RPS6KC1: variants seen among roughly 807,000 people sequenced by gnomAD.
The protein encoded by RPS6KC1 is ribosomal protein S6 kinase C1.
In RPS6KC1, 54 loss-of-function variants were observed where a neutral mutation model predicts 103.8. The ratio of observed to expected loss-of-function variants is 0.52; its 90% confidence interval spans 0.42 to 0.65. RPS6KC1 has a LOEUF of 0.65. Ranked by LOEUF, RPS6KC1 falls within the 30% of genes least tolerant of loss-of-function variation. The pLI, the probability that RPS6KC1 is intolerant of heterozygous loss-of-function variation, is 0.00. For missense variants in RPS6KC1, 1,151 were observed against 1,253.8 expected, an observed-to-expected ratio of 0.92 and a Z score of 1.24; for synonymous variants, 439 against 438.7, an observed-to-expected ratio of 1.00 and a Z score of -0.01.
the RPS6KC1 span, among the ~76,000 whole-genome samples, chr1:213,702,190 C>T: frequency 1.3e-5 from 2 of 151,806 alleles, no homozygotes; most frequent in African/African-American, 2.4e-5. Flanking sequence ...CAATTAGGAG[C>T]ATATTGTTTA....
the RPS6KC1 span, among the ~76,000 whole-genome samples, chr1:213,612,601 T>C: frequency 6.6e-6 from 1 of 152,260 alleles, no homozygotes; most frequent in Non-Finnish European, 1.5e-5. Flanking sequence ...GTGTCTCACA[T>C]GTGTAGAGAT....
rs552726226 is a variant in RPS6KC1 at position 213,160,252 on chromosome 1, C to T, written c.836-7606C>T. On this transcript the variant is annotated intron_variant, in intron 6 of 14. Transcript: ENST00000366960. ...GATATTTTACCTTTACAAAATATTA[C>T]GGAACACATCATTCAAAATTATAAC... Among the ~76,000 whole-genome samples, 66 of 152,246 alleles carry T rather than the reference C, an allele frequency of 4.3e-4. 2 individuals carry two copies. The highest frequency in any genetic ancestry group is 9.6e-5 in the African/African-American group (4 of 41,558).
At chr1:213,570,320 C>T in the RPS6KC1 span, among the ~76,000 whole-genome samples, 8 of 152,062 alleles carry the variant, frequency 5.3e-5, no homozygotes, top group African/African-American at 1.2e-4. Flanking sequence ...ACACAGTAAT[C>T]GCTCAAAAAA....
the RPS6KC1 span, among the ~76,000 whole-genome samples, chr1:213,554,726 T>C: frequency 6.6e-6 from 1 of 152,156 alleles, no homozygotes; most frequent in African/African-American, 2.4e-5. Flanking sequence ...ACCACCGTTC[T>C]GATTATAAGT....
At chr1:213,222,194 A>G (rs1432135126) in intron 8 of RPS6KC1, among the ~76,000 whole-genome samples, 1 of 152,100 alleles carries the variant, frequency 6.6e-6, no homozygotes, top group Non-Finnish European at 1.5e-5. Context: ...TCACTTCATG[A>G]TAATCTGCTA....
the RPS6KC1 span, among the ~76,000 whole-genome samples, chr1:213,849,606 GT>G: frequency 1.3e-4 from 20 of 152,108 alleles, no homozygotes; most frequent in Admixed American, 1.3e-3. Context: ...AAACTCATGT[GT>G]GTAGGTAAAG....
chr1:213,656,476 G>T, the RPS6KC1 span, among the ~76,000 whole-genome samples: 1 of 152,218 alleles, frequency 6.6e-6, no homozygotes, highest in East Asian at 1.9e-4. Context: ...AGACAGAACT[G>T]TCACAATGGT....
chr1:213,843,400 A>G, the RPS6KC1 span: 9 of 152,186 alleles, frequency 5.9e-5, no homozygotes, highest in Non-Finnish European at 1.0e-4. Flanking sequence ...TTTTTGGCAT[A>G]GGGTAATACT....
At chr1:213,528,330 C>T in the RPS6KC1 span, among the ~76,000 whole-genome samples, 4 of 152,268 alleles carry the variant, frequency 2.6e-5, no homozygotes, top group African/African-American at 9.6e-5. Context: ...ACCATCAGAT[C>T]TTGTGAGTAC....
intron 6 of RPS6KC1, among the ~76,000 whole-genome samples, chr1:213,145,288 G>C (rs2087610956): frequency 6.6e-6 from 1 of 152,160 alleles, no homozygotes; most frequent in Non-Finnish European, 1.5e-5. Flanking sequence ...GGAGAAGGAA[G>C]CCATTTGGAT....
chr1:213,514,198 C>T, the RPS6KC1 span, among the ~76,000 whole-genome samples: 1 of 152,008 alleles, frequency 6.6e-6, no homozygotes, highest in Non-Finnish European at 1.5e-5. Context: ...AAATTTTTAG[C>T]CTTTGATTAA....
At chr1:213,764,252 A>C in the RPS6KC1 span, among the ~76,000 whole-genome samples, 3 of 152,214 alleles carry the variant, frequency 2.0e-5, no homozygotes, top group Non-Finnish European at 4.4e-5. Flanking sequence ...ATCAGGGGAA[A>C]GGGATCTTTC....
At chr1:213,576,104 A>G in the RPS6KC1 span, among the ~76,000 whole-genome samples, 529 of 152,306 alleles carry the variant, frequency 3.5e-3, 6 homozygotes, top group African/African-American at 0.012. Flanking sequence ...AGTGGCACGC[A>G]TACAGCTGGC....
the RPS6KC1 span, among the ~76,000 whole-genome samples, chr1:213,619,465 C>T: frequency 6.6e-6 from 1 of 152,198 alleles, no homozygotes; most frequent in Non-Finnish European, 1.5e-5. Context: ...ACACACACCA[C>T]TGGGGGCAAG....
At chr1:213,573,002 A>G in the RPS6KC1 span, among the ~76,000 whole-genome samples, 1 of 152,066 alleles carries the variant, frequency 6.6e-6, no homozygotes, top group African/African-American at 2.4e-5. Flanking sequence ...AGCTGTGAGG[A>G]AAAACAATGT....
At chr1:213,386,712 G>A in the RPS6KC1 span, among the ~76,000 whole-genome samples, 7 of 152,120 alleles carry the variant, frequency 4.6e-5, no homozygotes, top group African/African-American at 9.7e-5. Flanking sequence ...ACTCCCTTAC[G>A]TCTCCTCTAT....
At chr1:213,640,020 T>C in the RPS6KC1 span, among the ~76,000 whole-genome samples, 2 of 152,026 alleles carry the variant, frequency 1.3e-5, no homozygotes, top group African/African-American at 4.8e-5. Context: ...TACATATGGA[T>C]CTGGAGTTTC....
chr1:213,631,276 C>T, the RPS6KC1 span, among the ~76,000 whole-genome samples: 1 of 151,098 alleles, frequency 6.6e-6, no homozygotes, highest in African/African-American at 2.4e-5. Flanking sequence ...GCTGGAAATG[C>T]AGAAATCACC....
the RPS6KC1 span, among the ~76,000 whole-genome samples, chr1:213,674,897 G>T: frequency 1.2e-4 from 18 of 152,124 alleles, no homozygotes; most frequent in African/African-American, 4.3e-4. Context: ...TTTGTGATGT[G>T]AGGCATCTTT....
Sources: gnomAD v4.1 joint callset for allele counts (sites outside exome capture counted in the v4.1 genomes callset) on GRCh38, gnomAD v4.1.1 for gene constraint, MANE v1.5 for transcripts, NCBI Gene and HGNC (gene_info 2026-07-23, HGNC 2026-07-21) for gene names.